The following CYFIP2 variants were observed in gnomAD, a reference collection of about 807,000 sequenced individuals.
CYFIP2 encodes cytoplasmic FMR1 interacting protein 2, also known as cytoplasmic FMR1-interacting protein 2.
CYFIP2 carries 29 observed loss-of-function variants against 158.7 expected under a neutral mutation model. The ratio of observed to expected loss-of-function variants is 0.18; its 90% CI spans 0.14 to 0.25. The LOEUF (loss-of-function observed/expected upper bound fraction) is 0.25, where lower values mean the gene tolerates loss of function less well. CYFIP2 is among the 10% of genes least tolerant of loss of function. The pLI, the probability that CYFIP2 is intolerant of heterozygous loss-of-function variation, is 1.00. For missense variants in CYFIP2, 852 were observed against 1,639.5 expected (o/e 0.52, Z 8.29); for synonymous variants, 585 against 617.6 (o/e 0.95, Z 0.78).
chr5:157,389,528 G>A, intron 29 of CYFIP2, 101 bp downstream of exon 29: 1 of 1,133,322 alleles, frequency 8.8e-7, no homozygotes, highest in South Asian at 1.6e-5. Context: ...GCAGGGGGTG[G>A]GGGTGGTTGG....
Position 157,287,063 on chromosome 5 carries a change from G to T in CYFIP2, c.162G>T (p.Thr54=), listed in dbSNP as rs375350435. 6.8e-6 allele frequency: 11 copies of T among 1,613,448 alleles called. No homozygotes were observed. Among genetic ancestry groups the T allele is most frequent in the Non-Finnish European group, 9.3e-6 (11 of 1,179,558 alleles). The part of the protein sequence containing the change: ...TNFEDRNAFV[T]GIARYIEQAT... ...TTGAGGACAGGAATGCATTTGTCACGGGCATTGCAAGGTACATTGAGCAGG... is the reference window on the plus strand; with the variant it reads ...TTGAGGACAGGAATGCATTTGTCACTGGCATTGCAAGGTACATTGAGCAGG... Residue 54 remains threonine, a synonymous_variant, in exon 3 of 31, where the codon ACG becomes ACT. Transcript: ENST00000620254.
intron 1 of CYFIP2, among the ~76,000 whole-genome samples, chr5:157,280,562 A>G (rs1756916841): frequency 6.6e-6 from 1 of 152,016 alleles, no homozygotes; most frequent in Admixed American, 6.6e-5. Context: ...GCCCAGAAGA[A>G]ACCTAGTTAC....
intron 21 of CYFIP2, among the ~76,000 whole-genome samples, chr5:157,333,657 C>A (rs1761648588): frequency 6.6e-6 from 1 of 152,152 alleles, no homozygotes; most frequent in Admixed American, 6.5e-5. Context: ...TGGAGGGGGT[C>A]TCCTTGAGAT....
At chr5:157,288,235 G>T (rs1757546642) in intron 3 of CYFIP2, among the ~76,000 whole-genome samples, 3 of 152,154 alleles carry the variant, frequency 2.0e-5, no homozygotes, top group South Asian at 4.1e-4. Flanking sequence ...GAAAGGGAAG[G>T]GGTCCAAACT....
intron 8 of CYFIP2, among the ~76,000 whole-genome samples, chr5:157,306,440 C>T (rs994444710): frequency 3.3e-5 from 5 of 152,208 alleles, no homozygotes; most frequent in Non-Finnish European, 7.3e-5. Context: ...CATACCCGGA[C>T]TTCCCTGCCT....
At chr5:157,276,061 A>T (rs1349869486) in intron 1 of CYFIP2, among the ~76,000 whole-genome samples, 1 of 152,124 alleles carries the variant, frequency 6.6e-6, no homozygotes, top group Non-Finnish European at 1.5e-5. Context: ...TTTTTCTTGG[A>T]TTTTCTATAA....
chr5:157,364,172 G>A (rs898052813), intron 26 of CYFIP2: 2 of 123,222 alleles, frequency 1.6e-5, no homozygotes, highest in Admixed American at 9.9e-5. Flanking sequence ...AGGCCTCAGG[G>A]GCACCAGAAC....
At chr5:157,300,383 A>G (rs1199351861) in intron 5 of CYFIP2, among the ~76,000 whole-genome samples, 1 of 151,866 alleles carries the variant, frequency 6.6e-6, no homozygotes, top group East Asian at 1.9e-4. Flanking sequence ...AAAAATAGAA[A>G]AATTAGCTGG....
chr5:157,288,569 A>C (rs910818721), intron 3 of CYFIP2: 11 of 455,828 alleles, frequency 2.4e-5, no homozygotes, highest in African/African-American at 2.0e-4. Flanking sequence ...GTCAAGTGGG[A>C]AATAGATAAG....
chr5:157,330,846 T>A lies in CYFIP2; in HGVS notation c.2261T>A (p.Val754Asp), dbSNP rs2113174467. ...GAAACACTGCTGAAGCAGAGACACG[T>A]CCAGGTATGGGGAGCAGAAGCCACC... ...RYETLLKQRH[V>D]QLLGRSIDLN... Residue 754 changes from valine (V) to aspartate (D), a missense_variant, in exon 20 of 31, where the codon GTC becomes GAC. By Grantham distance (152) the Val-to-Asp change is radical. Coordinates refer to ENST00000620254, the MANE Select transcript of CYFIP2 (RefSeq NM_001037333.3). The A allele has an allele frequency of 6.2e-7, 1 of 1,613,546 alleles. No homozygotes were observed. Among genetic ancestry groups the A allele is most frequent in the East Asian group, 2.2e-5 (1 of 44,886 alleles).
At chr5:157,304,534 C>A in intron 8 of CYFIP2, 168 bp downstream of exon 8, 1 of 683,944 alleles carries the variant, frequency 1.5e-6, no homozygotes, top group Non-Finnish European at 2.3e-6. Context: ...TATAATATAC[C>A]GTAGTCACCT....
chr5:157,342,518 G>T, intron 23 of CYFIP2: 1 of 169,446 alleles, frequency 5.9e-6, no homozygotes. Context: ...TAACTCAAGT[G>T]TTTCCTTCAA....
At chr5:157,373,313 G>GC (rs1475847475) in intron 26 of CYFIP2, among the ~76,000 whole-genome samples, 1 of 152,160 alleles carries the variant, frequency 6.6e-6, no homozygotes, top group Non-Finnish European at 1.5e-5. Flanking sequence ...ACTGTCCTTG[G>GC]CTTCTACCTT....
intron 23 of CYFIP2, chr5:157,342,370 G>A (rs1163772129): frequency 1.3e-5 from 2 of 153,406 alleles, no homozygotes; most frequent in East Asian, 3.8e-4. Flanking sequence ...TTGCCTAAAA[G>A]TTGGAAAACA....
intron 26 of CYFIP2, chr5:157,376,925 C>T (rs1264581972): frequency 4.4e-6 from 2 of 456,000 alleles, no homozygotes; most frequent in Non-Finnish European, 8.8e-6. Flanking sequence ...TTGCCTGAAT[C>T]TGACCTTGGC....
intron 1 of CYFIP2, among the ~76,000 whole-genome samples, chr5:157,281,388 T>C (rs1051023884): frequency 6.6e-6 from 1 of 152,220 alleles, no homozygotes; most frequent in East Asian, 1.9e-4. Flanking sequence ...AATACTTTTA[T>C]GGAAAGAAAC....
intron 21 of CYFIP2, among the ~76,000 whole-genome samples, chr5:157,334,882 C>A (rs1485348460): frequency 1.3e-5 from 2 of 152,176 alleles, no homozygotes; most frequent in Non-Finnish European, 2.9e-5. Flanking sequence ...GCCTGTCATT[C>A]AGCTAATAGT....
In CYFIP2 at chr5:157,311,563, G is replaced by A; in HGVS notation, c.993-101G>A. 1.0e-6 allele frequency: 1 copy of A among 991,682 alleles called. No homozygotes were observed. The allele number at this position is 991,682 out of a possible 1,614,324, so 61.4% of individuals were successfully genotyped here. ...TGGGATACCATTTGGTGTCACCCAG[G>A]GGAGTTGGCCACGTGGGCTGAGCAC... On this transcript the variant is annotated intron_variant, in intron 10 of 30. Coordinates refer to ENST00000620254, the MANE Select transcript of CYFIP2 (RefSeq NM_001037333.3). This position sits in a 1 kb window ranked among gnomAD's most constrained non-coding sequence, Gnocchi z 4.7.
intron 3 of CYFIP2, among the ~76,000 whole-genome samples, 171 bp downstream of exon 3, chr5:157,287,279 C>T (rs375599223): frequency 2.6e-5 from 4 of 152,320 alleles, no homozygotes; most frequent in African/African-American, 9.6e-5. Flanking sequence ...CCTGTCGGTG[C>T]CTAGAAACAT....
Sources: allele counts gnomAD v4.1 joint callset (sites outside exome capture counted in the v4.1 genomes callset), GRCh38; gene constraint gnomAD v4.1.1; non-coding constraint Gnocchi (gnomAD v3.1); transcripts MANE v1.5; gene names NCBI Gene and HGNC (gene_info 2026-07-23, HGNC 2026-07-21).